Variants in MYO1H observed in about 807,000 individuals in gnomAD.
MYO1H encodes unconventional myosin-Ih.
In MYO1H, 118 loss-of-function variants were observed where a neutral mutation model predicts 149.3. The ratio of observed to expected loss-of-function variants is 0.79; its 90% CI spans 0.68 to 0.92. The LOEUF is 0.92. Ranked by LOEUF, MYO1H falls within the 40% of genes least tolerant of loss-of-function variation. The pLI is 0.00. For missense variants in MYO1H, 1,212 were observed against 1,280.7 expected, an observed-to-expected ratio of 0.95 and a Z score of 0.82; for synonymous variants, 447 against 465.2, an observed-to-expected ratio of 0.96 and a Z score of 0.50.
At chr12:109,399,047 G>A (rs1040395351) in intron 5 of MYO1H, among the ~76,000 whole-genome samples, 2 of 152,166 alleles carry the variant, frequency 1.3e-5, no homozygotes, top group Non-Finnish European at 2.9e-5. Context: ...AATGACACAT[G>A]GGGGAGCAGC....
intron 1 of MYO1H, among the ~76,000 whole-genome samples, chr12:109,376,724 A>G (rs1395502128): frequency 6.6e-6 from 1 of 152,246 alleles, no homozygotes; most frequent in Non-Finnish European, 1.5e-5. Context: ...TAACTAGTAG[A>G]GCAAGTCATC....
exon 23 of MYO1H, chr12:109,438,603 C>T (rs750999041): frequency 5.0e-6 from 8 of 1,612,148 alleles, no homozygotes; most frequent in Non-Finnish European, 5.9e-6. Context: ...GAAAGTGGGC[C>T]GTGCGGATTA....
At chr12:109,441,908 G>A (rs929723803) in intron 26 of MYO1H, among the ~76,000 whole-genome samples, 200 bp downstream of exon 26, 6 of 152,118 alleles carry the variant, frequency 3.9e-5, no homozygotes, top group African/African-American at 7.2e-5. Flanking sequence ...TTAGCAGGGC[G>A]TGGTGGTGTC....
chr12:109,347,569 G>A (rs1868362447), upstream of MYO1H, among the ~76,000 whole-genome samples: 1 of 148,926 alleles, frequency 6.7e-6, no homozygotes, highest in East Asian at 2.0e-4. Flanking sequence ...TAAGAGATTG[G>A]GAGAATTTTC....
At chr12:109,312,381 T>TTTTTC in the MYO1H span, among the ~76,000 whole-genome samples, 1 of 150,856 alleles carries the variant, frequency 6.6e-6, no homozygotes, top group South Asian at 2.1e-4. Flanking sequence ...CCCAGCTAAT[T>TTTTTC]TTTTGTTTTG....
intron 16 of MYO1H, among the ~76,000 whole-genome samples, chr12:109,423,754 T>C (rs549323862): frequency 1.3e-5 from 2 of 152,346 alleles, no homozygotes; most frequent in African/African-American, 2.4e-5. Flanking sequence ...ATAATACTTA[T>C]TTCACTTAGC....
At position 109,396,338 on chromosome 12, in the gene MYO1H, G is replaced by A. The variant is rs746417914; in HGVS notation, c.291-46G>A. 16 of 1,513,112 alleles carry A rather than the reference G, an allele frequency of 1.1e-5. No individual in the cohort carries two copies. In the Admixed American group the frequency reaches 1.1e-4, roughly 11 times the overall value. 93.7% of individuals were successfully genotyped at this position (1,513,112 alleles called of 1,614,324 possible). ...TCTTTGGTGGGTGTCAGAGTCAAGGGAAGTACCATTAAAACGAATTTGTTT... is the reference window on the plus strand; with the variant it reads ...TCTTTGGTGGGTGTCAGAGTCAAGGAAAGTACCATTAAAACGAATTTGTTT... On this transcript the variant is annotated intron_variant, in intron 3 of 31. Coordinates refer to ENST00000310903, the Ensembl canonical transcript of MYO1H.
At chr12:109,360,732 A>G (rs1346132810) in intron 1 of MYO1H, among the ~76,000 whole-genome samples, 1 of 152,214 alleles carries the variant, frequency 6.6e-6, no homozygotes, top group Non-Finnish European at 1.5e-5. Context: ...AAAAAAACAA[A>G]TGAGCATTTC....
upstream of MYO1H, among the ~76,000 whole-genome samples, chr12:109,346,191 A>G (rs571345433): frequency 6.6e-6 from 1 of 152,302 alleles, no homozygotes; most frequent in East Asian, 1.9e-4. Flanking sequence ...TAGTATAACA[A>G]CTATTTACAT....
rs534780044 is a variant in MYO1H, at chr12:109,408,061, C to G, written c.1155+148C>G. ...CTTTCCCTATTCACATTTCCCATGT[C>G]TAGCATACAGTATGGGTGCATGCCG... On this transcript the variant is annotated intron_variant, in intron 10 of 31. Coordinates refer to ENST00000310903, the Ensembl canonical transcript of MYO1H. 75 of 976,666 alleles carry G rather than the reference C, an allele frequency of 7.7e-5. No homozygotes were observed. In the Admixed American group the frequency reaches 1.6e-3, roughly 20 times the overall value. 60.5% of individuals were successfully genotyped at this position (976,666 alleles called of 1,614,324 possible). A position where few individuals can be genotyped will look rare whatever the true frequency, so the allele number is the denominator to read the frequency against.
intron 24 of MYO1H, among the ~76,000 whole-genome samples, chr12:109,440,325 C>T (rs1395678505): frequency 2.0e-5 from 3 of 152,292 alleles, no homozygotes; most frequent in African/African-American, 4.8e-5. Flanking sequence ...TGCGAGTCAC[C>T]GTGCCCAGCC....
intron 1 of MYO1H, among the ~76,000 whole-genome samples, chr12:109,385,582 C>A (rs549529609): frequency 2.6e-5 from 4 of 152,186 alleles, no homozygotes; most frequent in Non-Finnish European, 5.9e-5. Flanking sequence ...CACGAGCCTA[C>A]CACGCCCAGC....
At chr12:109,424,703 A>C (rs1270321818) in intron 16 of MYO1H, 45 bp from the exon 17 acceptor site, 1 of 1,524,530 alleles carries the variant, frequency 6.6e-7, no homozygotes, top group East Asian at 2.3e-5. Context: ...CCCTGTAGTG[A>C]TTTCTGAAAC....
intron 1 of MYO1H, among the ~76,000 whole-genome samples, chr12:109,355,723 G>T (rs1206933267): frequency 6.7e-6 from 1 of 149,930 alleles, no homozygotes; most frequent in Admixed American, 6.7e-5. Flanking sequence ...TTGTTTTTTG[G>T]TTTTTCTTTT....
intron 20 of MYO1H, among the ~76,000 whole-genome samples, chr12:109,434,586 G>C (rs190361039): frequency 1.3e-5 from 2 of 152,188 alleles, no homozygotes; most frequent in East Asian, 3.8e-4. Context: ...TTCAGGTTAC[G>C]TTGGTTTATT....
intron 1 of MYO1H, among the ~76,000 whole-genome samples, chr12:109,355,074 T>C (rs1868557804): frequency 6.6e-6 from 1 of 152,164 alleles, no homozygotes; most frequent in African/African-American, 2.4e-5. Context: ...GGCCTTGCCA[T>C]CCGCACAGTC....
intron 1 of MYO1H, among the ~76,000 whole-genome samples, chr12:109,375,584 G>A (rs1424618889): frequency 2.6e-5 from 4 of 152,002 alleles, no homozygotes; most frequent in South Asian, 4.1e-4. Context: ...ATAGCTTTGC[G>A]CTTCACTCTT....
intron 1 of MYO1H, among the ~76,000 whole-genome samples, chr12:109,386,748 G>A (rs1334672043): frequency 6.6e-6 from 1 of 152,130 alleles, no homozygotes; most frequent in African/African-American, 2.4e-5. Context: ...CTTTGCGTCT[G>A]TATAATTTAG....
intron 30 of MYO1H, among the ~76,000 whole-genome samples, chr12:109,444,867 C>CA (rs57782261): frequency 0.16 from 21,413 of 136,704 alleles, 1,587 homozygotes; most frequent in Admixed American, 0.23. Context: ...GACAATGTCT[C>CA]AAAAAAAAAA....
Sources: allele counts gnomAD v4.1 joint callset (sites outside exome capture counted in the v4.1 genomes callset), GRCh38; gene constraint gnomAD v4.1.1; transcripts MANE v1.5; gene names NCBI Gene and HGNC (gene_info 2026-07-23, HGNC 2026-07-21).